Variants in NLRP9 observed in about 807,000 individuals in gnomAD.
NLRP9 encodes the protein NLR family pyrin domain containing 9.
Under a neutral mutation model 83.1 loss-of-function variants are expected in NLRP9, and 88 were observed. The observed-to-expected ratio is 1.06, with a 90% CI of 0.89 to 1.26. The LOEUF is 1.26. NLRP9 is among the 50% of genes most tolerant of loss of function. The pLI, the probability that NLRP9 is intolerant of heterozygous loss-of-function variation, is 0.00. For synonymous variants in NLRP9, 521 were observed against 447.6 expected, an observed-to-expected ratio of 1.16 and a Z score of -2.07; for missense variants, 1,308 against 1,179.3, an observed-to-expected ratio of 1.11 and a Z score of -1.60.
intron 4 of NLRP9, among the ~76,000 whole-genome samples, chr19:55,719,444 T>TGCCCG (rs1199134478): frequency 3.3e-5 from 5 of 152,200 alleles, no homozygotes; most frequent in East Asian, 1.9e-4. Context: ...TGATCCGCCA[T>TGCCCG]GCCCGGCCCG....
chr19:55,712,028 C>A, intron 7 of NLRP9, 58 bp from the exon 8 acceptor site: 1 of 1,543,764 alleles, frequency 6.5e-7, no homozygotes, highest in Admixed American at 1.7e-5. Context: ...CTGGAAGGCA[C>A]GCCATTGTTA....
chr19:55,712,603 A>T lies in NLRP9; in HGVS notation c.2502-13T>A, dbSNP rs1374928715. ...ACAGCCCATCAACCTGGGGAGGTGG[A>T]AGACACACAAATACGTACACTTATG... On this transcript the variant is annotated splice_polypyrimidine_tract_variant and intron_variant, in intron 6 of 8. Coordinates refer to ENST00000332836, the MANE Select transcript of NLRP9 (RefSeq NM_176820.4). 3 of 1,610,396 alleles carry T rather than the reference A, an allele frequency of 1.9e-6. No homozygotes were observed. The highest frequency in any genetic ancestry group is 2.5e-6 in the Non-Finnish European group (3 of 1,178,738).
Position 55,738,202 on chromosome 19 carries a change from A to T in NLRP9, c.173T>A (p.Leu58Gln). The change falls in exon 1 of 9, where the codon CTG becomes CAG. Residue 58 changes from leucine to glutamine, a missense_variant. Coordinates refer to ENST00000332836, the MANE Select transcript of NLRP9 (RefSeq NM_176820.4). Reference sequence around the variant, plus strand: ...CTTTCCTGGGTAATGTTTGTCCAGCAGCTTTGCTACATCTTCTTTGGAGGC... The same window carrying T: ...CTTTCCTGGGTAATGTTTGTCCAGCTGCTTTGCTACATCTTCTTTGGAGGC... The part of the protein sequence containing the change: ...KKASKEDVAK[L>Q]LDKHYPGKQA... 1 of 1,614,172 alleles carries T rather than the reference A, an allele frequency of 6.2e-7. No individual in the cohort carries two copies. The highest frequency in any genetic ancestry group is 8.5e-7 in the Non-Finnish European group (1 of 1,180,022).
chr19:55,732,403 A>G lies in NLRP9; in HGVS notation c.1428T>C (p.Leu476=). The change falls in exon 2 of 9, where the codon CTT becomes CTC. Residue 476 remains leucine, a synonymous_variant. Coordinates refer to ENST00000332836, the MANE Select transcript of NLRP9 (RefSeq NM_176820.4). ...GAGGCTGAACCACACTTGCTCTTAC[A>G]AGCTGGGTTATGCTTCCAATGGCCG... is the stretch of plus-strand genomic sequence containing the variant. ...PNPAIGSITQ[L]VRASVVQPQT... is the part of the protein sequence containing the mutation. 5.0e-6 allele frequency: 8 copies of G among 1,614,222 alleles called. No individual in the cohort carries two copies. Among genetic ancestry groups the G allele is most frequent in the Non-Finnish European group, 6.8e-6 (8 of 1,180,042 alleles).
At chr19:55,734,612 C>T (rs959935323) in intron 1 of NLRP9, among the ~76,000 whole-genome samples, 1 of 102,480 alleles carries the variant, frequency 9.8e-6, no homozygotes, top group Non-Finnish European at 2.1e-5. Context: ...CATACACACA[C>T]ACACACACAT....
intron 4 of NLRP9, among the ~76,000 whole-genome samples, chr19:55,719,003 CATTT>C (rs544240746): frequency 1.2e-4 from 19 of 152,298 alleles, no homozygotes; most frequent in African/African-American, 4.6e-4. Flanking sequence ...TCTTTCAGAT[CATTT>C]ATTAAATTAG....
intron 6 of NLRP9, 60 bp from the exon 7 acceptor site, chr19:55,712,650 C>G: frequency 1.4e-6 from 2 of 1,421,742 alleles, no homozygotes; most frequent in South Asian, 2.4e-5. Context: ...AACAGCCCAC[C>G]TTATTTTCAT....
rs530030884 is a variant in NLRP9 at position 55,715,310 on chromosome 19, A to C, written c.2331-85T>G. ...AACACACCATCTCCCAGCCCACTGA[A>C]GCTTCCTATGGTAATATTACCATAT... On this transcript the variant is annotated intron_variant, in intron 5 of 8. Transcript: ENST00000332836. 9.3e-6 allele frequency: 11 copies of C among 1,179,068 alleles called. No individual in the cohort carries two copies. The East Asian group carries it at 2.7e-4, about 29-fold the overall frequency. The allele number at this position is 1,179,068 out of a possible 1,614,324, so 73.0% of individuals were successfully genotyped here.
At chr19:55,713,593 TCCTCCTCTC>T (rs1311131097) in intron 6 of NLRP9, among the ~76,000 whole-genome samples, 1 of 35,404 alleles carries the variant, frequency 2.8e-5, no homozygotes, top group Non-Finnish European at 5.6e-5. Flanking sequence ...CCTCCCCTCC[TCCTCCTCTC>T]CCTCCTCCCC....
chr19:55,724,061 T>C lies in NLRP9; in HGVS notation c.2078A>G (p.Tyr693Cys). 3.1e-6 allele frequency: 5 copies of C among 1,613,776 alleles called. No homozygotes were observed. Among genetic ancestry groups the C allele is most frequent in the Non-Finnish European group, 4.2e-6 (5 of 1,179,676 alleles). The change falls in exon 4 of 9, where the codon TAC becomes TGC. Residue 693 changes from tyrosine (Y) to cysteine (C), a missense_variant. Tyr to Cys is a radical substitution (Grantham distance 194). Coordinates refer to ENST00000332836, the MANE Select transcript of NLRP9 (RefSeq NM_176820.4). ...HNPHLKLLSL[Y>C]GTSLSQSDIR... ...GTCAGACTGGGAGAGGCTAGTGCCG[T>C]ACAGGCTCAGAAGTTTCAGATGAGG... is the stretch of plus-strand genomic sequence containing the variant.
chr19:55,712,141 A>T (rs1987758944), intron 7 of NLRP9, among the ~76,000 whole-genome samples, 171 bp from the exon 8 acceptor site: 1 of 152,150 alleles, frequency 6.6e-6, no homozygotes, highest in African/African-American at 2.4e-5. Flanking sequence ...AGTGACCTTT[A>T]TCCCAACTGA....
At position 55,715,170 on chromosome 19, in the gene NLRP9, A is replaced by G; in HGVS notation, c.2386T>C (p.Leu796=). Residue 796 remains leucine (L), a synonymous_variant, in exon 6 of 9, where the codon TTG becomes CTG. Coordinates refer to ENST00000332836, the MANE Select transcript of NLRP9 (RefSeq NM_176820.4). ...AGGAGGGACAGGGACTTACTGCACA[A>G]GAGGACTTCGGAAATGGAGTCACAG... ...VSCDSISEVL[L]CSKSLSLLDL... is the part of the protein sequence containing the mutation. The G allele has an allele frequency of 1.9e-6, 3 of 1,613,434 alleles. No homozygotes were observed. Among genetic ancestry groups the G allele is most frequent in the Non-Finnish European group, 2.5e-6 (3 of 1,179,896 alleles).
Position 55,733,555 on chromosome 19 carries a change from G to T in NLRP9, c.281-5C>A. 6.7e-7 allele frequency: 1 copy of T among 1,488,010 alleles called. No homozygotes were observed. The highest frequency in any genetic ancestry group is 9.2e-7 in the Non-Finnish European group (1 of 1,089,366). 92.2% of individuals were successfully genotyped at this position (1,488,010 alleles called of 1,614,324 possible). On this transcript the variant is annotated splice_polypyrimidine_tract_variant and splice_region_variant and intron_variant, in intron 1 of 8. Transcript: ENST00000332836. ...TTCTGTATGGGTTTAGCTTATCTGT[G>T]TTAATGAGAACAGGATATAAGATAG...
At chr19:55,729,809 G>A in intron 3 of NLRP9, 22 bp downstream of exon 3, 1 of 1,594,376 alleles carries the variant, frequency 6.3e-7, no homozygotes, top group Non-Finnish European at 8.5e-7. Context: ...TTGCTTAAAG[G>A]ACAGGTTAAC....
intron 6 of NLRP9, among the ~76,000 whole-genome samples, chr19:55,713,590 T>TCCTCC (rs1987865072): frequency 3.2e-5 from 1 of 31,486 alleles, no homozygotes; most frequent in African/African-American, 1.2e-4. Flanking sequence ...CCTCCTCCCC[T>TCCTCC]CCTCCTCCTC....
chr19:55,729,786 G>C (rs1173458097), intron 3 of NLRP9, 45 bp downstream of exon 3: 1 of 1,536,568 alleles, frequency 6.5e-7, no homozygotes, highest in African/African-American at 1.4e-5. Context: ...TAGAGAGAAG[G>C]AAACTCTGCC....
intron 5 of NLRP9, 74 bp downstream of exon 5, chr19:55,716,654 G>T: frequency 7.8e-7 from 1 of 1,284,970 alleles, no homozygotes; most frequent in Non-Finnish European, 1.1e-6. Context: ...TGAGCACCGC[G>T]TTGCTTTGAT....
intron 2 of NLRP9, among the ~76,000 whole-genome samples, chr19:55,731,088 G>T (rs543892203): frequency 5.7e-4 from 87 of 152,218 alleles, no homozygotes; most frequent in African/African-American, 2.0e-3. Context: ...TGTGAACAAG[G>T]GTTATTTGGT....
chr19:55,736,040 A>G (rs978229947), intron 1 of NLRP9, among the ~76,000 whole-genome samples: 1 of 151,908 alleles, frequency 6.6e-6, no homozygotes, highest in African/African-American at 2.4e-5. Flanking sequence ...TTCACTTTCT[A>G]TATTTGCCCA....
Sources: allele counts gnomAD v4.1 joint callset (sites outside exome capture counted in the v4.1 genomes callset), GRCh38; gene constraint gnomAD v4.1.1; transcripts MANE v1.5; gene names NCBI Gene and HGNC (gene_info 2026-07-23, HGNC 2026-07-21).